TRAP1: variants seen among roughly 807,000 people sequenced by gnomAD.
The protein encoded by TRAP1 is TNF receptor associated protein 1.
A neutral mutation model predicts 89.1 loss-of-function variants in TRAP1; 102 were observed. That is an observed-to-expected ratio of 1.15 (90% CI 0.98 to 1.35). The LOEUF (loss-of-function observed/expected upper bound fraction) is 1.35, where lower values mean the gene tolerates loss of function less well. TRAP1 is among the 40% of genes most tolerant of loss of function. The pLI, the probability that TRAP1 is intolerant of heterozygous loss-of-function variation, is 0.00. For synonymous variants in TRAP1, 508 were observed against 388.0 expected, an observed-to-expected ratio of 1.31 and a Z score of -3.64; for missense variants, 1,256 against 945.3, an observed-to-expected ratio of 1.33 and a Z score of -4.31.
chr16:3,658,778 A>G lies in TRAP1; in HGVS notation c.2013+15T>C. 1 of 1,611,790 alleles carries G rather than the reference A, an allele frequency of 6.2e-7. No homozygotes were observed. The highest frequency in any genetic ancestry group is 8.5e-7 in the Non-Finnish European group (1 of 1,179,036). On this transcript the variant is annotated intron_variant, in intron 17 of 17. Transcript: ENST00000246957. ...AGCCTGGGTCCCTGCAGTCATCCTA[A>G]GCTGCTGCACTCACCTGATCCACCA...
At chr16:3,672,404 A>G (rs1353018913) in intron 10 of TRAP1, among the ~76,000 whole-genome samples, 3 of 152,172 alleles carry the variant, frequency 2.0e-5, no homozygotes, top group Non-Finnish European at 4.4e-5. Context: ...TCTTTCTTAA[A>G]CTATAATCTC....
chr16:3,705,880 A>G (rs1300310327), intron 1 of TRAP1, among the ~76,000 whole-genome samples: 1 of 151,558 alleles, frequency 6.6e-6, no homozygotes, highest in Non-Finnish European at 1.5e-5. Context: ...TTTAGTAGAG[A>G]CGGGGTTTCT....
chr16:3,676,226 G>T, intron 6 of TRAP1, 81 bp from the exon 7 acceptor site: 2 of 1,236,202 alleles, frequency 1.6e-6, no homozygotes, highest in Non-Finnish European at 1.2e-6. Context: ...GGTTCCCGAG[G>T]GTTTCATAGG....
chr16:3,709,227 C>CAA (rs58859365), intron 1 of TRAP1, among the ~76,000 whole-genome samples: 13 of 82,302 alleles, frequency 1.6e-4, no homozygotes, highest in South Asian at 1.4e-3. Flanking sequence ...AACTCCATCT[C>CAA]AAAAAAAAAA....
At chr16:3,705,199 G>A (rs140635146) in intron 1 of TRAP1, among the ~76,000 whole-genome samples, 2 of 151,752 alleles carry the variant, frequency 1.3e-5, no homozygotes, top group East Asian at 3.9e-4. Flanking sequence ...CGAGTAGCTG[G>A]GACTACAGGC....
chr16:3,658,091 T>TGTCA lies in TRAP1; in HGVS notation c.*34_*37dup, dbSNP rs781538237. On this transcript the variant is annotated 3_prime_UTR_variant, in exon 18 of 18. Transcript: ENST00000246957. The stretch of plus-strand genomic sequence containing the variant: ...TAAATAAAGCTCAAGGAGGTGGGGC[T>TGTCA]GTCATCTGTGGTGTCAGTCCTTCTG... 11 of 1,610,998 alleles carry TGTCA rather than the reference T, an allele frequency of 6.8e-6. No individual in the cohort carries two copies. The highest frequency in any genetic ancestry group is 9.3e-6 in the Non-Finnish European group (11 of 1,177,394).
intron 2 of TRAP1, among the ~76,000 whole-genome samples, chr16:3,690,507 C>T (rs2051199002): frequency 6.6e-6 from 1 of 152,218 alleles, no homozygotes; most frequent in Admixed American, 6.5e-5. Context: ...GAATTCGGTC[C>T]TGCGCAGACT....
chr16:3,673,556 GGGGGGATCCGGTTAAAATGC>G (rs1346211268), intron 9 of TRAP1, among the ~76,000 whole-genome samples: 1 of 150,728 alleles, frequency 6.6e-6, no homozygotes, highest in Non-Finnish European at 1.5e-5. Context: ...GGTTAAAATG[GGGGGGATCCGGTTAAAATGC>G]GGGGAGATCT....
At chr16:3,690,125 G>A (rs1338942428) in intron 2 of TRAP1, among the ~76,000 whole-genome samples, 1 of 152,058 alleles carries the variant, frequency 6.6e-6, no homozygotes, top group Non-Finnish European at 1.5e-5. Context: ...TCCTGCCTCA[G>A]CCTCTCAAGT....
rs762853199 is a variant in TRAP1 at position 3,672,830 on chromosome 16, A to G, written c.1045-10T>C. 6.2e-7 allele frequency: 1 copy of G among 1,610,782 alleles called. No individual in the cohort carries two copies. The highest frequency in any genetic ancestry group is 8.5e-7 in the Non-Finnish European group (1 of 1,178,950). The stretch of plus-strand genomic sequence containing the variant: ...CAAACATGGACGGTTTCTGGGGGTG[A>G]GGAGAACACGCCATCATGCAGCACT... On this transcript the variant is annotated splice_polypyrimidine_tract_variant and intron_variant, in intron 9 of 17. Coordinates refer to ENST00000246957, the MANE Select transcript of TRAP1 (RefSeq NM_016292.3).
intron 11 of TRAP1, among the ~76,000 whole-genome samples, chr16:3,669,832 C>CAAAA (rs59256364): frequency 0.012 from 796 of 66,106 alleles, 42 homozygotes; most frequent in Non-Finnish European, 0.021. Flanking sequence ...GACTCCGTCT[C>CAAAA]AAAAAAAAAA....
chr16:3,685,107 T>C (rs1327353962), intron 4 of TRAP1, among the ~76,000 whole-genome samples: 3 of 152,126 alleles, frequency 2.0e-5, no homozygotes, highest in African/African-American at 7.2e-5. Flanking sequence ...ACCTCTGTGC[T>C]GAAAACAGGA....
intron 1 of TRAP1, among the ~76,000 whole-genome samples, chr16:3,695,541 AAAAAAAAAAAG>A (rs1445101059): frequency 4.0e-5 from 6 of 151,576 alleles, no homozygotes; most frequent in Non-Finnish European, 7.4e-5. Context: ...GTCTCGAAAA[AAAAAAAAAAAG>A]AAAAGAAAAA....
chr16:3,680,018 C>A (rs181618007), intron 4 of TRAP1: 6 of 491,544 alleles, frequency 1.2e-5, no homozygotes, highest in Non-Finnish European at 2.2e-5. Flanking sequence ...TCACTTGAGG[C>A]CAGGAGTTCA....
intron 1 of TRAP1, chr16:3,704,323 G>GAC (rs2051410207): frequency 6.6e-6 from 1 of 152,190 alleles, no homozygotes; most frequent in Admixed American, 6.6e-5. Flanking sequence ...GAGCCTAGGC[G>GAC]ACAGCACGAC....
At chr16:3,683,233 G>T (rs966835188) in intron 4 of TRAP1, among the ~76,000 whole-genome samples, 3 of 152,044 alleles carry the variant, frequency 2.0e-5, no homozygotes, top group Non-Finnish European at 4.4e-5. Flanking sequence ...ACAGCCAAGA[G>T]GAGCTAAGGG....
intron 16 of TRAP1, chr16:3,659,776 G>C (rs561521501): frequency 2.7e-5 from 4 of 149,566 alleles, no homozygotes; most frequent in East Asian, 3.9e-4. Flanking sequence ...TAGATAGATA[G>C]ATAGACTCTC....
At chr16:3,701,264 GT>G (rs2051361103) in intron 1 of TRAP1, among the ~76,000 whole-genome samples, 2 of 152,156 alleles carry the variant, frequency 1.3e-5, no homozygotes, top group Non-Finnish European at 2.9e-5. Context: ...TCACAAGTGT[GT>G]ATTTGCCTAA....
At chr16:3,717,333 C>A (rs1261557838) in intron 1 of TRAP1, 88 bp downstream of exon 1, 1 of 475,738 alleles carries the variant, frequency 2.1e-6, no homozygotes. Flanking sequence ...AAGCAGGTGC[C>A]GGCGCCTCGC....
Sources: allele counts gnomAD v4.1 joint callset (sites outside exome capture counted in the v4.1 genomes callset), GRCh38; gene constraint gnomAD v4.1.1; transcripts MANE v1.5; gene names NCBI Gene and HGNC (gene_info 2026-07-23, HGNC 2026-07-21).